The following REC114 variants were observed in gnomAD, a reference collection of about 807,000 sequenced individuals.
The protein encoded by REC114 is meiotic recombination protein REC114.
A neutral mutation model predicts 31.3 loss-of-function variants in REC114; 27 were observed. The observed-to-expected ratio is 0.86, with a 90% CI of 0.64 to 1.19. The LOEUF is 1.19. Ranked by LOEUF, REC114 falls within the 50% of genes most tolerant of loss-of-function variation. REC114 has a pLI of 0.00. For missense variants in REC114, 344 were observed against 326.9 expected, an observed-to-expected ratio of 1.05 and a Z score of -0.40; for synonymous variants, 134 against 127.7, an observed-to-expected ratio of 1.05 and a Z score of -0.33.
intron 2 of REC114, among the ~76,000 whole-genome samples, chr15:73,499,543 G>T (rs112928858): frequency 6.6e-6 from 1 of 152,072 alleles, no homozygotes; most frequent in Non-Finnish European, 1.5e-5. Flanking sequence ...ATTATCTCTT[G>T]TCAGGGTTAC....
chr15:73,461,681 CT>C (rs1400378747), intron 1 of REC114, among the ~76,000 whole-genome samples: 6 of 151,950 alleles, frequency 3.9e-5, no homozygotes, highest in African/African-American at 7.3e-5. Context: ...TGTTATTTAA[CT>C]GATGTATAAG....
At chr15:73,480,780 C>T (rs531863191) in intron 2 of REC114, among the ~76,000 whole-genome samples, 9 of 152,258 alleles carry the variant, frequency 5.9e-5, no homozygotes, top group East Asian at 1.9e-4. Context: ...TGGGTTCAAG[C>T]GATTCTCCTG....
At chr15:73,537,062 A>C (rs1329217616) in intron 2 of REC114, among the ~76,000 whole-genome samples, 1 of 152,228 alleles carries the variant, frequency 6.6e-6, no homozygotes, top group Non-Finnish European at 1.5e-5. Context: ...TTATTGAAGC[A>C]CCTTCTAGTG....
intron 4 of REC114, 21 bp from the exon 5 acceptor site, chr15:73,556,281 T>C (rs1222142450): frequency 3.1e-6 from 5 of 1,603,566 alleles, no homozygotes; most frequent in Non-Finnish European, 4.3e-6. Context: ...AGTCTCCTTA[T>C]TGCATGTTGT....
chr15:73,450,610 G>C (rs2151250792), intron 1 of REC114, among the ~76,000 whole-genome samples: 1 of 152,292 alleles, frequency 6.6e-6, no homozygotes, highest in South Asian at 2.1e-4. Context: ...TCCAGGACTT[G>C]AACTCAGCTC....
At chr15:73,528,515 A>G (rs1182867974) in intron 2 of REC114, among the ~76,000 whole-genome samples, 1 of 152,234 alleles carries the variant, frequency 6.6e-6, no homozygotes, top group Admixed American at 6.5e-5. Flanking sequence ...ATACAAAAAC[A>G]AAATTTAGTG....
rs1273970254 is a variant in REC114, at chr15:73,491,303, AATT to A, written c.249+17383_249+17385del. 3.3e-3 allele frequency among the ~76,000 whole-genome samples: 18 copies of A among 5,392 alleles called. 1 individual carries two copies. The highest frequency in any genetic ancestry group is 6.8e-3 in the African/African-American group (17 of 2,506). 3.5% of individuals were successfully genotyped at this position (5,392 alleles called of 152,430 possible). On this transcript the variant is annotated intron_variant, in intron 2 of 5. Transcript: ENST00000331090. ...TTATCTTAATTTTGTGTATTTTCTT[AATT>A]TCTTTTTGTATATATAAGTATTTGT...
At chr15:73,513,969 C>A (rs1893817696) in intron 2 of REC114, among the ~76,000 whole-genome samples, 1 of 152,182 alleles carries the variant, frequency 6.6e-6, no homozygotes, top group South Asian at 2.1e-4. Flanking sequence ...GTGGTGGGCT[C>A]CACCCAGTTC....
intron 2 of REC114, among the ~76,000 whole-genome samples, chr15:73,504,460 A>G (rs1334331573): frequency 6.6e-6 from 1 of 152,094 alleles, no homozygotes; most frequent in Admixed American, 6.5e-5. Flanking sequence ...GTTCTTTACC[A>G]CTGGGCTCCC....
At chr15:73,536,836 G>A (rs567634962) in intron 2 of REC114, among the ~76,000 whole-genome samples, 2 of 152,254 alleles carry the variant, frequency 1.3e-5, no homozygotes, top group Non-Finnish European at 2.9e-5. Context: ...AAATGATACT[G>A]GTCCTGGCAT....
intron 2 of REC114, among the ~76,000 whole-genome samples, chr15:73,476,209 T>C (rs1198027242): frequency 6.6e-6 from 1 of 152,234 alleles, no homozygotes; most frequent in African/African-American, 2.4e-5. Flanking sequence ...TATTGTAATT[T>C]GTTTAATCTT....
intron 2 of REC114, among the ~76,000 whole-genome samples, chr15:73,503,381 T>G (rs1893627868): frequency 6.6e-6 from 1 of 152,186 alleles, no homozygotes; most frequent in South Asian, 2.1e-4. Context: ...GAGGTATAAC[T>G]TATACTTCAA....
intron 1 of REC114, among the ~76,000 whole-genome samples, chr15:73,447,118 A>G (rs1401121543): frequency 2.6e-5 from 4 of 152,170 alleles, no homozygotes; most frequent in African/African-American, 9.7e-5. Flanking sequence ...AACTGAGTAG[A>G]TGGTTGAAGA....
intron 2 of REC114, among the ~76,000 whole-genome samples, chr15:73,540,046 G>A (rs905750960): frequency 1.3e-5 from 2 of 152,036 alleles, no homozygotes; most frequent in Non-Finnish European, 2.9e-5. Context: ...TCCATTCATA[G>A]GAATATGAAA....
intron 1 of REC114, among the ~76,000 whole-genome samples, chr15:73,465,107 G>A (rs1207111717): frequency 6.6e-6 from 1 of 152,160 alleles, no homozygotes. Context: ...GGCCAGACTG[G>A]TTTCAAACTC....
intron 2 of REC114, among the ~76,000 whole-genome samples, chr15:73,531,832 G>A (rs1288079883): frequency 1.3e-5 from 2 of 152,080 alleles, no homozygotes; most frequent in African/African-American, 2.4e-5. Flanking sequence ...CTCCATCCCT[G>A]TGCATCACCT....
chr15:73,536,970 C>T (rs1276193510), intron 2 of REC114, among the ~76,000 whole-genome samples: 1 of 152,168 alleles, frequency 6.6e-6, no homozygotes, highest in African/African-American at 2.4e-5. Context: ...ATGATCCCAT[C>T]ACCCAGGTAG....
Position 73,460,811 on chromosome 15 carries a change from A to C in REC114, c.160-13021A>C, listed in dbSNP as rs540718419. Among the ~76,000 whole-genome samples the C allele has an allele frequency of 2.6e-5, 4 of 152,314 alleles. No homozygotes were observed. The South Asian group carries it at 8.3e-4, about 32-fold the overall frequency. ...CCTTGACTGGTAATTTCAAAGACATAAGGAACTTATTCTTCTGTTACATGG... is the reference window on the plus strand; with the variant it reads ...CCTTGACTGGTAATTTCAAAGACATCAGGAACTTATTCTTCTGTTACATGG... On this transcript the variant is annotated intron_variant, in intron 1 of 5. Transcript: ENST00000331090.
chr15:73,529,405 TG>T (rs1894046620), intron 2 of REC114, among the ~76,000 whole-genome samples: 1 of 152,182 alleles, frequency 6.6e-6, no homozygotes, highest in South Asian at 2.1e-4. Flanking sequence ...CCCAAAGTGC[TG>T]GGATTACAGG....
Sources: allele counts gnomAD v4.1 joint callset (sites outside exome capture counted in the v4.1 genomes callset), GRCh38; gene constraint gnomAD v4.1.1; transcripts MANE v1.5; gene names NCBI Gene and HGNC (gene_info 2026-07-23, HGNC 2026-07-21).